MTUS2: variants seen among roughly 807,000 people sequenced by gnomAD.
The protein encoded by MTUS2 is microtubule-associated tumor suppressor candidate 2.
MTUS2 carries 40 observed loss-of-function variants against 114.1 expected under a neutral mutation model. The observed-to-expected ratio is 0.35, with a 90% CI of 0.27 to 0.46. The LOEUF (loss-of-function observed/expected upper bound fraction) is 0.46, where lower values mean the gene tolerates loss of function less well. Ranked by LOEUF, MTUS2 falls within the 20% of genes least tolerant of loss-of-function variation. The pLI, the probability that MTUS2 is intolerant of heterozygous loss-of-function variation, is 1.00. For missense variants in MTUS2, 1,679 were observed against 1,705.4 expected (o/e 0.98, Z 0.27); for synonymous variants, 688 against 672.0 (o/e 1.02, Z -0.37).
chr13:29,110,852 A>G (rs910335341), intron 5 of MTUS2, among the ~76,000 whole-genome samples: 5 of 152,210 alleles, frequency 3.3e-5, no homozygotes, highest in Non-Finnish European at 7.3e-5. Flanking sequence ...AGCCCATTCA[A>G]TATGTTTAAT....
At chr13:29,487,362 C>G (rs1416286793) in intron 10 of MTUS2, 1 of 153,884 alleles carries the variant, frequency 6.5e-6, no homozygotes, top group Non-Finnish European at 1.5e-5. Flanking sequence ...TTGGGCAAAA[C>G]GTTTCATATT....
chr13:29,301,028 A>ACATCTTT (rs1483914861), intron 6 of MTUS2, among the ~76,000 whole-genome samples: 1 of 152,200 alleles, frequency 6.6e-6, no homozygotes, highest in Non-Finnish European at 1.5e-5. Context: ...CAGAGCCTTC[A>ACATCTTT]CATCTTTCAT....
At chr13:29,423,637 G>A (rs1024206012) in intron 8 of MTUS2, among the ~76,000 whole-genome samples, 8 of 152,150 alleles carry the variant, frequency 5.3e-5, no homozygotes, top group African/African-American at 1.7e-4. Context: ...GTTTTTAAAA[G>A]GTGAGAGGAA....
chr13:28,998,604 T>C (rs1014913413), intron 2 of MTUS2, among the ~76,000 whole-genome samples: 54 of 152,212 alleles, frequency 3.5e-4, no homozygotes, highest in African/African-American at 1.2e-3. Context: ...TTATTCTTTT[T>C]TCTCTAAACT....
intron 2 of MTUS2, among the ~76,000 whole-genome samples, chr13:28,896,795 A>G (rs573879599): frequency 6.6e-6 from 1 of 152,340 alleles, no homozygotes; most frequent in East Asian, 1.9e-4. Context: ...AAAACAAGAA[A>G]TGGAGAAAGG....
At chr13:29,112,024 A>G (rs1398394491) in intron 5 of MTUS2, among the ~76,000 whole-genome samples, 5 of 152,148 alleles carry the variant, frequency 3.3e-5, no homozygotes, top group African/African-American at 1.2e-4. Context: ...GCAGACATCC[A>G]TCCTATAACT....
At chr13:28,946,233 T>A (rs111584921) in intron 2 of MTUS2, among the ~76,000 whole-genome samples, 1 of 152,008 alleles carries the variant, frequency 6.6e-6, no homozygotes, top group African/African-American at 2.4e-5. Flanking sequence ...GCATTTCCAA[T>A]GGTGCTTTTA....
chr13:28,860,343 C>G (rs149972246), intron 2 of MTUS2, among the ~76,000 whole-genome samples: 2 of 152,096 alleles, frequency 1.3e-5, no homozygotes, highest in Non-Finnish European at 2.9e-5. Flanking sequence ...CTTTCTTCCC[C>G]CTAAGAGGTT....
At chr13:29,210,670 C>A (rs1895388998) in intron 5 of MTUS2, among the ~76,000 whole-genome samples, 1 of 152,118 alleles carries the variant, frequency 6.6e-6, no homozygotes, top group African/African-American at 2.4e-5. Context: ...TTCCTGAGAG[C>A]TGAACTGTAA....
chr13:28,846,479 C>G (rs1330337257), intron 2 of MTUS2, among the ~76,000 whole-genome samples: 1 of 151,964 alleles, frequency 6.6e-6, no homozygotes, highest in African/African-American at 2.4e-5. Flanking sequence ...CTGTGTGTGT[C>G]TTTTAAATGT....
chr13:29,080,456 C>G, intron 4 of MTUS2, among the ~76,000 whole-genome samples: 1 of 152,194 alleles, frequency 6.6e-6, no homozygotes, highest in Admixed American at 6.5e-5. Context: ...TTGACTCACA[C>G]TGTCACAAGG....
chr13:29,090,000 G>C (rs549128091), intron 4 of MTUS2, among the ~76,000 whole-genome samples: 2 of 152,294 alleles, frequency 1.3e-5, no homozygotes, highest in East Asian at 3.9e-4. Context: ...GATGTCTTAA[G>C]ACACTCTGGC....
chr13:29,063,209 T>C (rs1283587480), intron 4 of MTUS2, among the ~76,000 whole-genome samples: 4 of 152,230 alleles, frequency 2.6e-5, no homozygotes, highest in Non-Finnish European at 5.9e-5. Context: ...ATGTTCTTTC[T>C]TCAGAAAAAC....
chr13:29,193,483 C>A (rs1414279221), intron 5 of MTUS2, among the ~76,000 whole-genome samples: 3 of 152,118 alleles, frequency 2.0e-5, no homozygotes, highest in Admixed American at 1.3e-4. Context: ...TGAGTGAACT[C>A]CCATTCACAA....
At chr13:29,469,138 G>A (rs1236389638) in intron 9 of MTUS2, among the ~76,000 whole-genome samples, 1 of 152,184 alleles carries the variant, frequency 6.6e-6, no homozygotes, top group Non-Finnish European at 1.5e-5. Context: ...GTGCCTTGCT[G>A]AAGCTCCCAT....
At chr13:29,238,086 G>T (rs1191553621) in intron 5 of MTUS2, among the ~76,000 whole-genome samples, 1 of 152,120 alleles carries the variant, frequency 6.6e-6, no homozygotes, top group Non-Finnish European at 1.5e-5. Context: ...AACTGAACTT[G>T]GTATGTCGAA....
intron 5 of MTUS2, among the ~76,000 whole-genome samples, chr13:29,130,745 C>A (rs191113417): frequency 1.3e-5 from 2 of 152,268 alleles, no homozygotes; most frequent in East Asian, 3.9e-4. Context: ...CCTGCCTCAG[C>A]CTCCCAAGTA....
At chr13:29,135,455 G>T (rs756989344) in intron 5 of MTUS2, among the ~76,000 whole-genome samples, 2 of 152,302 alleles carry the variant, frequency 1.3e-5, no homozygotes, top group Non-Finnish European at 2.9e-5. Flanking sequence ...GCAGCGTATA[G>T]TTGGATCATG....
At chr13:28,823,906 A>G (rs1874084948) in intron 1 of MTUS2, among the ~76,000 whole-genome samples, 1 of 152,182 alleles carries the variant, frequency 6.6e-6, no homozygotes, top group East Asian at 1.9e-4. Context: ...GGGGAAAAAC[A>G]CCGTATAAAA....
Sources: gnomAD v4.1 joint callset for allele counts (sites outside exome capture counted in the v4.1 genomes callset) on GRCh38, gnomAD v4.1.1 for gene constraint, MANE v1.5 for transcripts, NCBI Gene and HGNC (gene_info 2026-07-23, HGNC 2026-07-21) for gene names.